Variants in RGS5 observed in about 807,000 individuals in gnomAD.
The protein encoded by RGS5 is regulator of G-protein signalling 5.
In RGS5, 20 loss-of-function variants were observed where a neutral mutation model predicts 18.9. The ratio of observed to expected loss-of-function variants is 1.06; its 90% confidence interval spans 0.74 to 1.54. RGS5 has a LOEUF of 1.54. Ranked by LOEUF, RGS5 falls within the 40% of genes most tolerant of loss-of-function variation. The probability of loss-of-function intolerance (pLI) is 0.00; values close to 1 mark genes in which losing one functional copy is unlikely to be tolerated. For missense variants in RGS5, 201 were observed against 211.8 expected, an observed-to-expected ratio of 0.95 and a Z score of 0.32; for synonymous variants, 57 against 76.2, an observed-to-expected ratio of 0.75 and a Z score of 1.31.
chr1:163,162,217 CT>C (rs1400528328), intron 2 of RGS5, among the ~76,000 whole-genome samples: 1 of 152,104 alleles, frequency 6.6e-6, no homozygotes, highest in Non-Finnish European at 1.5e-5. Context: ...AGGTCTTTCC[CT>C]TTTTAAAAGT....
At chr1:163,254,865 T>C (rs375068172) in intron 2 of RGS5, among the ~76,000 whole-genome samples, 2 of 151,604 alleles carry the variant, frequency 1.3e-5, no homozygotes, top group African/African-American at 4.8e-5. Flanking sequence ...TTTCTACATA[T>C]GGCTAGCCAG....
At chr1:163,203,116 T>C (rs1435800293), upstream of RGS5, 1 of 359,180 alleles carries the variant, frequency 2.8e-6, no homozygotes, top group Non-Finnish European at 5.2e-6. Context: ...CAACACTCTC[T>C]TGCTAACCGG....
intron 2 of RGS5, among the ~76,000 whole-genome samples, chr1:163,275,489 G>C (rs1169012790): frequency 2.0e-5 from 3 of 152,174 alleles, no homozygotes; most frequent in Non-Finnish European, 4.4e-5. Flanking sequence ...GATTAAGGGG[G>C]ACACCTTCTA....
chr1:163,243,143 G>A (rs1409967844), intron 2 of RGS5, among the ~76,000 whole-genome samples: 1 of 152,070 alleles, frequency 6.6e-6, no homozygotes, highest in African/African-American at 2.4e-5. Flanking sequence ...CCTTTGCAGG[G>A]ACATGGATGA....
intron 2 of RGS5, among the ~76,000 whole-genome samples, chr1:163,261,934 A>C (rs1301425020): frequency 1.3e-5 from 2 of 152,020 alleles, no homozygotes; most frequent in Admixed American, 1.3e-4. Context: ...CTCCCTCCTC[A>C]AGGTGGGATG....
chr1:163,178,142 C>T (rs772644469), intron 1 of RGS5, among the ~76,000 whole-genome samples: 3 of 152,104 alleles, frequency 2.0e-5, no homozygotes, highest in South Asian at 2.1e-4. Flanking sequence ...CCCGCCGTCT[C>T]TTCTAAAAAT....
At chr1:163,180,553 T>C (rs1658772400) in intron 1 of RGS5, among the ~76,000 whole-genome samples, 1 of 152,152 alleles carries the variant, frequency 6.6e-6, no homozygotes, top group African/African-American at 2.4e-5. Context: ...AAAGTTTCTT[T>C]ATTCCCACGT....
chr1:163,234,566 G>A (rs1647571337), intron 2 of RGS5, among the ~76,000 whole-genome samples: 1 of 152,056 alleles, frequency 6.6e-6, no homozygotes, highest in Non-Finnish European at 1.5e-5. Context: ...TTATTTTAGG[G>A]AGTGTTCATA....
At chr1:163,212,948 C>T (rs1342585782) in intron 1 of RGS5, 1 of 152,054 alleles carries the variant, frequency 6.6e-6, no homozygotes, top group Non-Finnish European at 1.5e-5. Flanking sequence ...GCTTATGCTC[C>T]CTATCTTTTT....
At chr1:163,209,689 G>A (rs911121043) in intron 1 of RGS5, among the ~76,000 whole-genome samples, 1 of 151,976 alleles carries the variant, frequency 6.6e-6, no homozygotes, top group Non-Finnish European at 1.5e-5. Flanking sequence ...TTCTTATTAA[G>A]TGTATATTTT....
chr1:163,168,632 T>C (rs1658164479), intron 1 of RGS5, among the ~76,000 whole-genome samples: 1 of 152,220 alleles, frequency 6.6e-6, no homozygotes, highest in Non-Finnish European at 1.5e-5. Context: ...TCTCATTTTA[T>C]ATCTGCAGAC....
intron 1 of RGS5, among the ~76,000 whole-genome samples, chr1:163,315,562 A>C (rs1233360578): frequency 6.6e-6 from 1 of 152,190 alleles, no homozygotes; most frequent in Non-Finnish European, 1.5e-5. Context: ...TTAATATAGC[A>C]ACTTTTTGCT....
chr1:163,161,384 T>C (rs1657790960), intron 3 of RGS5, among the ~76,000 whole-genome samples: 1 of 152,172 alleles, frequency 6.6e-6, no homozygotes. Flanking sequence ...TCAGCACCTT[T>C]GTCATTTCTT....
chr1:163,271,700 C>G (rs1185288544), intron 2 of RGS5, among the ~76,000 whole-genome samples: 1 of 152,138 alleles, frequency 6.6e-6, no homozygotes, highest in Non-Finnish European at 1.5e-5. Flanking sequence ...AGTTGATGGA[C>G]ATTTGGATTG....
intron 1 of RGS5, among the ~76,000 whole-genome samples, chr1:163,308,268 T>C (rs887774198): frequency 3.9e-5 from 6 of 152,158 alleles, no homozygotes; most frequent in Admixed American, 3.9e-4. Flanking sequence ...CATTCTAAAA[T>C]AGAATGAAAA....
chr1:163,208,518 TAAAAA>T (rs55700806), intron 1 of RGS5, among the ~76,000 whole-genome samples: 1 of 14,464 alleles, frequency 6.9e-5, no homozygotes, highest in East Asian at 4.2e-3. Context: ...CCACCTCCAT[TAAAAA>T]AAAAAAAAAA....
intron 1 of RGS5, chr1:163,172,564 A>T: frequency 3.2e-6 from 5 of 1,549,948 alleles, no homozygotes; most frequent in Non-Finnish European, 4.4e-6. Context: ...ATACCAGAAC[A>T]TCAGGTTACT....
chr1:163,280,647 A>G (rs1280250049), intron 2 of RGS5, among the ~76,000 whole-genome samples: 1 of 152,166 alleles, frequency 6.6e-6, no homozygotes, highest in Non-Finnish European at 1.5e-5. Context: ...TCCCATGATC[A>G]TGGACTAGAT....
intron 2 of RGS5, among the ~76,000 whole-genome samples, chr1:163,284,989 A>G (rs1649105956): frequency 6.6e-6 from 1 of 152,130 alleles, no homozygotes; most frequent in Admixed American, 6.6e-5. Flanking sequence ...CAATCATGGT[A>G]GCAGGTAAGA....
Sources: gnomAD v4.1 joint callset for allele counts (sites outside exome capture counted in the v4.1 genomes callset) on GRCh38, gnomAD v4.1.1 for gene constraint, MANE v1.5 for transcripts, NCBI Gene and HGNC (gene_info 2026-07-23, HGNC 2026-07-21) for gene names.